Variants in GRIN2B observed in about 807,000 individuals in gnomAD.
GRIN2B encodes glutamate receptor ionotropic, NMDA 2B.
GRIN2B carries 5 observed loss-of-function variants against 114.5 expected under a neutral mutation model. That is an observed-to-expected ratio of 0.04 (90% CI 0.02 to 0.09). The LOEUF (loss-of-function observed/expected upper bound fraction) is 0.09. Ranked by LOEUF, GRIN2B falls within the 10% of genes least tolerant of loss-of-function variation. The probability of loss-of-function intolerance (pLI) is 1.00; values close to 1 mark genes in which losing one functional copy is unlikely to be tolerated. For synonymous variants in GRIN2B, 787 were observed against 745.1 expected (o/e 1.06, Z -0.92); for missense variants, 1,108 against 1,943.5 (o/e 0.57, Z 8.08).
intron 2 of GRIN2B, among the ~76,000 whole-genome samples, chr12:13,945,507 C>A (rs1384121857): frequency 6.6e-6 from 1 of 152,168 alleles, no homozygotes; most frequent in Non-Finnish European, 1.5e-5. Context: ...TCTTACCTGG[C>A]AGAACAGTGA....
intron 4 of GRIN2B, among the ~76,000 whole-genome samples, chr12:13,733,025 A>G (rs1206541462): frequency 1.3e-5 from 2 of 152,222 alleles, no homozygotes; most frequent in African/African-American, 4.8e-5. Flanking sequence ...TAAAAGTTTA[A>G]CCAGGACTCT....
intron 3 of GRIN2B, among the ~76,000 whole-genome samples, chr12:13,785,204 T>C (rs1426398880): frequency 6.6e-6 from 1 of 152,198 alleles, no homozygotes; most frequent in Admixed American, 6.5e-5. Flanking sequence ...AAATTCCTCA[T>C]TTATTTCTTA....
intron 2 of GRIN2B, 59 bp from the exon 3 acceptor site, chr12:13,866,285 G>A: frequency 1.4e-6 from 2 of 1,453,052 alleles, no homozygotes; most frequent in Non-Finnish European, 1.9e-6. Context: ...ACCTGTCTTA[G>A]AAGAGGCTAG....
At position 13,694,686 on chromosome 12, in the gene GRIN2B, T is replaced by C. The variant is rs200901219; in HGVS notation, c.1011-18827A>G. On this transcript the variant is annotated intron_variant, in intron 4 of 13. Transcript: ENST00000609686. ...ATATATATATATATATATATATATATATATATATATATATATAAATTAATT... is the reference window on the plus strand; with the variant it reads ...ATATATATATATATATATATATATACATATATATATATATATAAATTAATT... Among the ~76,000 whole-genome samples, 58 of 132,170 alleles carry C rather than the reference T, an allele frequency of 4.4e-4. No homozygotes were observed. In the East Asian group the frequency reaches 0.011, roughly 25 times the overall value. The allele number at this position is 132,170 out of a possible 152,430, so 86.7% of individuals were successfully genotyped here. A position where few individuals can be genotyped will look rare whatever the true frequency, so the allele number is the denominator to read the frequency against.
At chr12:13,614,952 G>C (rs1404869592) in intron 8 of GRIN2B, among the ~76,000 whole-genome samples, 162 bp downstream of exon 8, 1 of 152,190 alleles carries the variant, frequency 6.6e-6, no homozygotes, top group East Asian at 1.9e-4. Flanking sequence ...TCATGTTTGA[G>C]AGTAATTGAT....
intron 3 of GRIN2B, among the ~76,000 whole-genome samples, chr12:13,786,468 C>A (rs1257938943): frequency 2.0e-5 from 3 of 152,124 alleles, no homozygotes; most frequent in Non-Finnish European, 2.9e-5. Context: ...CATAGCTGAA[C>A]TTATTTGCTT....
intron 4 of GRIN2B, among the ~76,000 whole-genome samples, chr12:13,748,176 A>C (rs1448764624): frequency 6.6e-6 from 1 of 152,260 alleles, no homozygotes; most frequent in Non-Finnish European, 1.5e-5. Flanking sequence ...GAGTAGAAAA[A>C]CTAAAGACAC....
At chr12:13,739,811 A>C (rs774768012) in intron 4 of GRIN2B, among the ~76,000 whole-genome samples, 2 of 152,194 alleles carry the variant, frequency 1.3e-5, no homozygotes, top group Non-Finnish European at 2.9e-5. Context: ...TCTGAGCCAG[A>C]TTCTCACTAA....
intron 3 of GRIN2B, among the ~76,000 whole-genome samples, chr12:13,803,720 A>C (rs978523736): frequency 6.6e-6 from 1 of 152,196 alleles, no homozygotes; most frequent in African/African-American, 2.4e-5. Context: ...ATTTGAACAC[A>C]CAGCAAAATA....
intron 4 of GRIN2B, among the ~76,000 whole-genome samples, chr12:13,738,738 A>C (rs1863226939): frequency 6.6e-6 from 1 of 152,168 alleles, no homozygotes; most frequent in African/African-American, 2.4e-5. Flanking sequence ...GAGGTAAAAA[A>C]AAAATGACAG....
chr12:13,690,538 A>C (rs7972662), intron 4 of GRIN2B, among the ~76,000 whole-genome samples: 83,490 of 151,926 alleles, frequency 0.55, 23,067 homozygotes, highest in East Asian at 0.66. Context: ...GATTGACTTC[A>C]TTCTTGCCCA....
chr12:13,737,047 G>A (rs371059239), intron 4 of GRIN2B, among the ~76,000 whole-genome samples: 50 of 75,282 alleles, frequency 6.6e-4, no homozygotes, highest in African/African-American at 1.4e-3. Flanking sequence ...AAAAAAAAAA[G>A]AAGAAGAAAA....
At chr12:13,927,880 T>C (rs1478921161) in intron 2 of GRIN2B, among the ~76,000 whole-genome samples, 1 of 140,828 alleles carries the variant, frequency 7.1e-6, no homozygotes, top group Non-Finnish European at 1.5e-5. Flanking sequence ...GGTGGGAGGA[T>C]CACTTGAGCC....
intron 4 of GRIN2B, among the ~76,000 whole-genome samples, chr12:13,678,060 G>A (rs990372460): frequency 6.6e-6 from 1 of 152,122 alleles, no homozygotes; most frequent in African/African-American, 2.4e-5. Flanking sequence ...AGAGTCCTAA[G>A]CTAAGAAATC....
chr12:13,821,557 G>C (rs1656156180), intron 3 of GRIN2B, among the ~76,000 whole-genome samples: 1 of 152,174 alleles, frequency 6.6e-6, no homozygotes, highest in Non-Finnish European at 1.5e-5. Flanking sequence ...GAAGGCAGAA[G>C]ACAGAAAGGA....
intron 3 of GRIN2B, among the ~76,000 whole-genome samples, chr12:13,807,068 A>G (rs990538675): frequency 5.9e-5 from 9 of 152,094 alleles, no homozygotes; most frequent in African/African-American, 2.2e-4. Flanking sequence ...GTCCATCACA[A>G]TGTTACTGTT....
At chr12:13,569,693 C>CTGAAAA in intron 12 of GRIN2B, 137 bp downstream of exon 12, 4 of 609,428 alleles carry the variant, frequency 6.6e-6, no homozygotes, top group Non-Finnish European at 1.1e-5. Context: ...AAATATATAC[C>CTGAAAA]CGAAAACTAC....
intron 3 of GRIN2B, among the ~76,000 whole-genome samples, chr12:13,834,187 C>T (rs1046201373): frequency 3.3e-4 from 46 of 140,816 alleles, no homozygotes; most frequent in Non-Finnish European, 5.2e-4. Context: ...CCCACCACCA[C>T]GCCTGGCTAA....
Position 13,547,959 on chromosome 12 carries a change from G to GTATATATATATATATATATATATATA in GRIN2B, c.*14823_*14824insTATATATATATATATATATATATATA, listed in dbSNP as rs1555098068. The stretch of plus-strand genomic sequence containing the variant: ...TATGTATGTATGTATGTATGTGTGT[G>GTATATATATATATATATATATATATA]TATATATATATATATATATATATTT... On this transcript the variant is annotated 3_prime_UTR_variant, in exon 14 of 14. Coordinates refer to ENST00000609686, the MANE Select transcript of GRIN2B (RefSeq NM_000834.5). 1.1e-5 allele frequency: 1 copy of GTATATATATATATATATATATATATA among 91,478 alleles called. No individual in the cohort carries two copies. Among genetic ancestry groups the GTATATATATATATATATATATATATA allele is most frequent in the African/African-American group, 3.8e-5 (1 of 26,224 alleles). The allele number at this position is 91,478 out of a possible 1,614,324, so 5.7% of individuals were successfully genotyped here.
Sources: gnomAD v4.1 joint callset for allele counts (sites outside exome capture counted in the v4.1 genomes callset) on GRCh38, gnomAD v4.1.1 for gene constraint, MANE v1.5 for transcripts, NCBI Gene and HGNC (gene_info 2026-07-23, HGNC 2026-07-21) for gene names.